CNPPD1: variants seen among roughly 807,000 people sequenced by gnomAD.
CNPPD1 encodes cyclin Pas1/PHO80 domain containing 1, also known as protein CNPPD1.
In CNPPD1, 40 loss-of-function variants were observed where a neutral mutation model predicts 43.7. That is an observed-to-expected ratio of 0.92 (90% CI 0.71 to 1.19). The LOEUF (loss-of-function observed/expected upper bound fraction) is 1.19. Ranked by LOEUF, CNPPD1 falls within the 50% of genes most tolerant of loss-of-function variation. The pLI, the probability that CNPPD1 is intolerant of heterozygous loss-of-function variation, is 0.00. For synonymous variants in CNPPD1, 208 were observed against 214.3 expected (o/e 0.97, Z 0.26); for missense variants, 511 against 518.5 (o/e 0.99, Z 0.14).
At chr2:219,177,067 C>T (rs959098523), upstream of CNPPD1, 2 of 436,426 alleles carry the variant, frequency 4.6e-6, no homozygotes, top group African/African-American at 4.2e-5. Flanking sequence ...GCCCTAGGCC[C>T]GGGAAGGGAG....
At chr2:219,177,756 G>C (rs1051929060), upstream of CNPPD1, 11 of 152,326 alleles carry the variant, frequency 7.2e-5, no homozygotes, top group Non-Finnish European at 1.3e-4. Flanking sequence ...CCGATATGTG[G>C]AAGTGGGAAA....
rs1295492924 is a variant in CNPPD1, at chr2:219,174,992, G to C, written c.377C>G (p.Ser126Cys). ...HVSSSDLFLI[S>C]MMVASKYLYD... ...GATGGGGAGGGGGTGTCTTACCATG[G>C]AGATCAGGAACAAGTCAGAGGATGA... is the stretch of plus-strand genomic sequence containing the variant. Residue 126 changes from serine to cysteine, a missense_variant, in exon 4 of 8, where the codon TCC becomes TGC. Ser to Cys is a moderately radical substitution (Grantham distance 112). Transcript: ENST00000360507. The C allele has an allele frequency of 6.2e-7, 1 of 1,614,124 alleles. No individual in the cohort carries two copies. Among genetic ancestry groups the C allele is most frequent in the Admixed American group, 1.7e-5 (1 of 60,022 alleles).
At chr2:219,175,256 T>C in intron 3 of CNPPD1, 148 bp from the exon 4 acceptor site, 3 of 1,065,636 alleles carry the variant, frequency 2.8e-6, no homozygotes, top group Non-Finnish European at 3.9e-6. Flanking sequence ...ATCCCAGCAC[T>C]TTGGAAGACC....
intron 1 of CNPPD1, among the ~76,000 whole-genome samples, chr2:219,176,546 A>C (rs904425714): frequency 6.6e-6 from 1 of 152,076 alleles, no homozygotes; most frequent in African/African-American, 2.4e-5. Context: ...TCCCCGGGAG[A>C]AGTTCTCCGA....
At chr2:219,173,755 G>A (rs1325257611) in intron 6 of CNPPD1, among the ~76,000 whole-genome samples, 2 of 152,166 alleles carry the variant, frequency 1.3e-5, no homozygotes, top group Non-Finnish European at 2.9e-5. Flanking sequence ...TGATCCTCTT[G>A]TCTCAGCCTC....
In CNPPD1 at chr2:219,172,690, A is replaced by T; in HGVS notation, c.1129T>A (p.Trp377Arg). 1 of 1,613,754 alleles carries T rather than the reference A, an allele frequency of 6.2e-7. No individual in the cohort carries two copies. The highest frequency in any genetic ancestry group is 8.5e-7 in the Non-Finnish European group (1 of 1,179,760). ...GAAAGGAGCACCGGGCTCCAAGGCC[A>T]GGGGGGAGCCAGGCCATAGGTATGG... Reference protein sequence around the residue: ...WYHTYGLAPPWPWSPVLLSLP... With the variant: ...WYHTYGLAPPRPWSPVLLSLP... Residue 377 changes from tryptophan to arginine, a missense_variant, in exon 8 of 8, where the codon TGG becomes AGG. Trp to Arg is a moderately radical substitution (Grantham distance 101). Transcript: ENST00000360507.
rs1161684705 is a variant in CNPPD1, at chr2:219,172,911, A to G, written c.908T>C (p.Met303Thr). ...ACTGCCCCAGAGTGACCGCAGCCCC[A>G]TGCTGCCTTCCAGGCAGCTGGAGAC... Reference protein sequence around the residue: ...ANVSSCLEGSMGLRSLWGSLL... With the variant: ...ANVSSCLEGSTGLRSLWGSLL... The change falls in exon 8 of 8, where the codon ATG becomes ACG. Residue 303 changes from methionine to threonine, a missense_variant. Transcript: ENST00000360507. 2 of 1,612,198 alleles carry G rather than the reference A, an allele frequency of 1.2e-6. No homozygotes were observed. Among genetic ancestry groups the G allele is most frequent in the South Asian group, 1.1e-5 (1 of 90,866 alleles).
At position 219,174,968 on chromosome 2, in the gene CNPPD1, A is replaced by G; in HGVS notation, c.381+20T>C. ...AGCAGGCTCTTGGCTCTTTAGGGAG[A>G]TGGGGAGGGGGTGTCTTACCATGGA... On this transcript the variant is annotated intron_variant, in intron 4 of 7. Coordinates refer to ENST00000360507, the MANE Select transcript of CNPPD1 (RefSeq NM_015680.6). The G allele has an allele frequency of 6.2e-7, 1 of 1,613,958 alleles. No homozygotes were observed. Among genetic ancestry groups the G allele is most frequent in the East Asian group, 2.2e-5 (1 of 44,876 alleles).
rs774916203 is a variant in CNPPD1 at position 219,175,038 on chromosome 2, G to T, written c.331C>A (p.Pro111Thr). Reference protein sequence around the residue: ...VYIERLRHRNPDYLQHVSSSD... With the variant: ...VYIERLRHRNTDYLQHVSSSD... Reference sequence around the variant, plus strand: ...GATGACACATGCTGCAAGTAGTCTGGGTTTCGGTGCCGGAGCCGTTCAATG... The same window carrying T: ...GATGACACATGCTGCAAGTAGTCTGTGTTTCGGTGCCGGAGCCGTTCAATG... The change falls in exon 4 of 8, where the codon CCA (proline) becomes ACA (threonine). Residue 111 changes from proline to threonine, a missense_variant. Pro to Thr is a conservative substitution (Grantham distance 38). Transcript: ENST00000360507. 2 of 1,613,986 alleles carry T rather than the reference G, an allele frequency of 1.2e-6. No homozygotes were observed. The highest frequency in any genetic ancestry group is 3.3e-5 in the Admixed American group (2 of 60,022).
Position 219,172,058 on chromosome 2 carries a change from G to C in CNPPD1, c.*528C>G, listed in dbSNP as rs1950079277. Reference sequence around the variant, plus strand: ...ACTAAGAGAAGACTGGAAGACAAAAGATCAGGGTTGAAGGTCCCAGCAGTC... The same window carrying C: ...ACTAAGAGAAGACTGGAAGACAAAACATCAGGGTTGAAGGTCCCAGCAGTC... On this transcript the variant is annotated 3_prime_UTR_variant, in exon 8 of 8. Transcript: ENST00000360507. The C allele has an allele frequency of 6.3e-6, 1 of 159,740 alleles. No homozygotes were observed. The allele number at this position is 159,740 out of a possible 1,614,324, so 9.9% of individuals were successfully genotyped here.
chr2:219,172,839 G>A lies in CNPPD1; in HGVS notation c.980C>T (p.Pro327Leu). The A allele has an allele frequency of 6.3e-7, 1 of 1,586,622 alleles. No individual in the cohort carries two copies. The change falls in exon 8 of 8, where the codon CCT (proline) becomes CTT (leucine). Residue 327 changes from proline to leucine, a missense_variant. Transcript: ENST00000360507. ...TPPPLPPPDP[P>L]APPTLLHNCH... ...GTTATGAAGAAGAGTGGGAGGGGCA[G>A]GGGGGTCTGGGGGAGGCAATGGTGG...
rs751941737 is a variant in CNPPD1, at chr2:219,172,812, C to A, written c.1007G>T (p.Cys336Phe). Residue 336 changes from cysteine to phenylalanine, a missense_variant, in exon 8 of 8, where the codon TGC (cysteine) becomes TTC (phenylalanine). By Grantham distance (205) the Cys-to-Phe change is radical (BLOSUM62 -2). Coordinates refer to ENST00000360507, the MANE Select transcript of CNPPD1 (RefSeq NM_015680.6). The stretch of plus-strand genomic sequence containing the variant: ...TCTCTGGAGCTTCTGGCAAAGGTGG[C>A]AGTTATGAAGAAGAGTGGGAGGGGC... ...PPAPPTLLHN[C>F]HLCQKLQRDS... 1.0e-5 allele frequency: 16 copies of A among 1,592,406 alleles called. No individual in the cohort carries two copies. The highest frequency in any genetic ancestry group is 1.3e-5 in the Non-Finnish European group (15 of 1,169,724).
At chr2:219,177,791 A>C (rs1290613769), upstream of CNPPD1, 2 of 152,204 alleles carry the variant, frequency 1.3e-5, no homozygotes, top group Non-Finnish European at 2.9e-5. Flanking sequence ...GAAAGAAACA[A>C]CTTTTCTGAG....
At chr2:219,176,670 C>G (rs1280273660) in intron 1 of CNPPD1, 90 bp downstream of exon 1, 3 of 1,038,668 alleles carry the variant, frequency 2.9e-6, no homozygotes, top group Non-Finnish European at 4.3e-6. Flanking sequence ...GCCGCCCAGT[C>G]CCGGCACAGC....
At chr2:219,175,332 A>G (rs1950141842) in intron 3 of CNPPD1, among the ~76,000 whole-genome samples, 1 of 152,090 alleles carries the variant, frequency 6.6e-6, no homozygotes, top group South Asian at 2.1e-4. Context: ...CCCCGTCTTT[A>G]CTAAAAATAC....
At chr2:219,175,558 AC>A (rs1430754983) in intron 3 of CNPPD1, 32 bp downstream of exon 3, 11 of 1,566,822 alleles carry the variant, frequency 7.0e-6, no homozygotes, top group Non-Finnish European at 9.7e-6. Context: ...TAGGGCCCAA[AC>A]ACTCTCATCC....
intron 5 of CNPPD1, 80 bp downstream of exon 5, chr2:219,174,698 A>G: frequency 4.0e-6 from 6 of 1,503,612 alleles, no homozygotes; most frequent in Non-Finnish European, 5.3e-6. Flanking sequence ...AACCAACAGA[A>G]GACTGAGAGA....
In CNPPD1 at chr2:219,174,876, C is replaced by T. The variant is rs758767449; in HGVS notation, c.412G>A (p.Gly138Arg). The change falls in exon 5 of 8, where the codon GGG becomes AGG. Residue 138 changes from glycine (G) to arginine (R), a missense_variant. Gly to Arg is a moderately radical substitution (Grantham distance 125, BLOSUM62 -2). Coordinates refer to ENST00000360507, the MANE Select transcript of CNPPD1 (RefSeq NM_015680.6). ...MVASKYLYDE[G>R]EEEEVFNDEW... Reference sequence around the variant, plus strand: ...TCGTTGAAGACCTCCTCCTCCTCCCCTTCATCATAGAGGTACTTACTGGCC... The same window carrying T: ...TCGTTGAAGACCTCCTCCTCCTCCCTTTCATCATAGAGGTACTTACTGGCC... 95 of 1,614,080 alleles carry T rather than the reference C, an allele frequency of 5.9e-5. No homozygotes were observed. The highest frequency in any genetic ancestry group is 1.0e-4 in the Admixed American group (6 of 60,010).
At chr2:219,176,711 C>A (rs6436124) in intron 1 of CNPPD1, 49 bp downstream of exon 1, 798,421 of 1,368,030 alleles carry the variant, frequency 0.58, 233,488 homozygotes, top group Non-Finnish European at 0.62. Flanking sequence ...CCGCTCAGGC[C>A]GGGAGGGGCG....
Sources: allele counts gnomAD v4.1 joint callset (sites outside exome capture counted in the v4.1 genomes callset), GRCh38; gene constraint gnomAD v4.1.1; transcripts MANE v1.5; gene names NCBI Gene and HGNC (gene_info 2026-07-23, HGNC 2026-07-21).